The following LINGO2 variants were observed in gnomAD, a reference collection of about 807,000 sequenced individuals.
LINGO2 encodes leucine rich repeat and Ig domain containing 2.
LINGO2 carries 14 observed loss-of-function variants against 30.6 expected under a neutral mutation model. The observed-to-expected ratio is 0.46, with a 90% CI of 0.30 to 0.72. LINGO2 has a LOEUF of 0.72. Ranked by LOEUF, LINGO2 falls within the 30% of genes least tolerant of loss-of-function variation. The pLI, the probability that LINGO2 is intolerant of heterozygous loss-of-function variation, is 0.07. For missense variants in LINGO2, 729 were observed against 751.7 expected (o/e 0.97, Z 0.35); for synonymous variants, 317 against 288.5 (o/e 1.10, Z -1.00).
the LINGO2 span, among the ~76,000 whole-genome samples, chr9:29,169,958 G>C: frequency 6.7e-6 from 1 of 150,114 alleles, no homozygotes; most frequent in Admixed American, 6.6e-5. Flanking sequence ...TCGCGCCATT[G>C]CACTCCAGCC....
chr9:28,025,793 A>T (rs1198055141), intron 4 of LINGO2, among the ~76,000 whole-genome samples: 1 of 152,192 alleles, frequency 6.6e-6, no homozygotes, highest in African/African-American at 2.4e-5. Flanking sequence ...CAGACAAACG[A>T]CACTTTTGAA....
At chr9:29,187,485 A>G in the LINGO2 span, among the ~76,000 whole-genome samples, 2 of 152,212 alleles carry the variant, frequency 1.3e-5, no homozygotes, top group Non-Finnish European at 2.9e-5. Flanking sequence ...AAATTTTTCA[A>G]TCCAATTTGT....
chr9:28,105,606 T>G (rs932635835), intron 4 of LINGO2, among the ~76,000 whole-genome samples: 1 of 152,162 alleles, frequency 6.6e-6, no homozygotes, highest in Non-Finnish European at 1.5e-5. Context: ...CTAACCCCTG[T>G]GTGACTACTG....
the LINGO2 span, among the ~76,000 whole-genome samples, chr9:28,806,955 G>T: frequency 2.0e-5 from 3 of 151,684 alleles, no homozygotes; most frequent in African/African-American, 7.3e-5. Context: ...AATATGAGTT[G>T]CTGACTTAAT....
the LINGO2 span, among the ~76,000 whole-genome samples, chr9:28,981,173 T>C: frequency 6.6e-6 from 1 of 152,098 alleles, no homozygotes; most frequent in Non-Finnish European, 1.5e-5. Flanking sequence ...TGCTTTCATA[T>C]GCATTGTTCA....
At chr9:28,077,570 T>TAAACATGATTTA (rs1825662285) in intron 4 of LINGO2, among the ~76,000 whole-genome samples, 3 of 135,296 alleles carry the variant, frequency 2.2e-5, no homozygotes, top group African/African-American at 1.2e-4. Context: ...AAAACTATTA[T>TAAACATGATTTA]CTTATTTTTT....
chr9:28,067,335 G>A (rs1825344042), intron 4 of LINGO2, among the ~76,000 whole-genome samples: 1 of 152,056 alleles, frequency 6.6e-6, no homozygotes, highest in Admixed American at 6.6e-5. Flanking sequence ...AAAACTTAGA[G>A]ATAGTATAGC....
chr9:28,947,874 T>A, the LINGO2 span, among the ~76,000 whole-genome samples: 4 of 152,110 alleles, frequency 2.6e-5, no homozygotes, highest in African/African-American at 7.2e-5. Flanking sequence ...ATACTTCACA[T>A]ATAAGGATCC....
At position 28,080,534 on chromosome 9, in the gene LINGO2, T is replaced by C. The variant is rs556787871; in HGVS notation, c.-86-68129A>G. ...CAAATAATACCTCCTTAAAAAAAAT[T>C]CCTACCTTCCCCAGTTACTACCAGC... On this transcript the variant is annotated intron_variant, in intron 4 of 5. Coordinates refer to ENST00000379992, the Ensembl canonical transcript of LINGO2. 1.3e-4 allele frequency: 20 copies of C among 152,316 alleles called. No homozygotes were observed. The East Asian group carries it at 3.5e-3, about 26-fold the overall frequency. The allele number at this position is 152,316 out of a possible 1,614,324, so 9.4% of individuals were successfully genotyped here.
chr9:29,018,328 G>A, the LINGO2 span, among the ~76,000 whole-genome samples: 1 of 151,602 alleles, frequency 6.6e-6, no homozygotes, highest in East Asian at 1.9e-4. Flanking sequence ...AGGGGAGCAT[G>A]GGCTGTAAAA....
intron 2 of LINGO2, among the ~76,000 whole-genome samples, chr9:28,419,357 CA>C (rs1433960454): frequency 4.6e-5 from 7 of 152,050 alleles, no homozygotes; most frequent in Admixed American, 4.6e-4. Flanking sequence ...CAGTAGTTCA[CA>C]AACATTATTT....
At chr9:28,751,012 T>A in the LINGO2 span, among the ~76,000 whole-genome samples, 1 of 151,890 alleles carries the variant, frequency 6.6e-6, no homozygotes, top group African/African-American at 2.4e-5. Context: ...TGCCTGTAAT[T>A]CCAGAAATTT....
the LINGO2 span, among the ~76,000 whole-genome samples, chr9:28,841,024 T>C: frequency 1.3e-5 from 2 of 151,922 alleles, no homozygotes; most frequent in African/African-American, 4.9e-5. Flanking sequence ...TTTTGTTTTT[T>C]CAGGTGGCTT....
chr9:28,937,575 C>T, the LINGO2 span, among the ~76,000 whole-genome samples: 1 of 152,074 alleles, frequency 6.6e-6, no homozygotes, highest in South Asian at 2.1e-4. Flanking sequence ...ACTTTCTAGA[C>T]CCATTGGTGA....
intron 4 of LINGO2, among the ~76,000 whole-genome samples, chr9:28,165,514 A>G (rs748545177): frequency 3.3e-5 from 5 of 152,244 alleles, no homozygotes; most frequent in Admixed American, 6.5e-5. Flanking sequence ...CGTGGATTGC[A>G]ATCTCAAATT....
rs1554713022 is a variant in LINGO2 at position 28,374,206 on chromosome 9, T to TATATATATATA, written c.-278-1339_-278-1338insTATATATATAT. Among the ~76,000 whole-genome samples the TATATATATATA allele has an allele frequency of 2.3e-3, 254 of 109,824 alleles. 3 individuals carry two copies. The highest frequency in any genetic ancestry group is 0.014 in the East Asian group (48 of 3,378). The allele number at this position is 109,824 out of a possible 152,430, so 72.0% of individuals were successfully genotyped here. ...CTCTACTTTTGTTAAAAATATGTTT[T>TATATATATATA]TATTTATATATATATATATATATAT... On this transcript the variant is annotated intron_variant, in intron 2 of 5. Transcript: ENST00000379992.
chr9:28,766,246 A>G, the LINGO2 span, among the ~76,000 whole-genome samples: 1 of 152,046 alleles, frequency 6.6e-6, no homozygotes, highest in Non-Finnish European at 1.5e-5. Context: ...ATAACTTAAT[A>G]GCAATAAAAC....
chr9:28,852,956 G>A, the LINGO2 span, among the ~76,000 whole-genome samples: 1 of 151,978 alleles, frequency 6.6e-6, no homozygotes, highest in Admixed American at 6.6e-5. Flanking sequence ...TACATGTGTA[G>A]TGACCAGGGC....
At chr9:28,059,771 A>G (rs1374161175) in intron 4 of LINGO2, among the ~76,000 whole-genome samples, 1 of 152,124 alleles carries the variant, frequency 6.6e-6, no homozygotes, top group Non-Finnish European at 1.5e-5. Context: ...TATGAAAATT[A>G]TACAACCAAC....
Sources: gnomAD v4.1 joint callset for allele counts (sites outside exome capture counted in the v4.1 genomes callset) on GRCh38, gnomAD v4.1.1 for gene constraint, MANE v1.5 for transcripts, NCBI Gene and HGNC (gene_info 2026-07-23, HGNC 2026-07-21) for gene names.